Variants in GALNT13 observed in about 807,000 individuals in gnomAD.
GALNT13 encodes polypeptide N-acetylgalactosaminyltransferase 13, also known as UDP-GalNAc:polypeptide N-acetylgalactosaminyltransferase 13.
Under a neutral mutation model 64.2 loss-of-function variants are expected in GALNT13, and 28 were observed. That is an observed-to-expected ratio of 0.44 (90% CI 0.32 to 0.60). The LOEUF is 0.60. Ranked by LOEUF, GALNT13 falls within the 20% of genes least tolerant of loss-of-function variation. The probability of loss-of-function intolerance (pLI) is 0.05; values close to 1 mark genes in which losing one functional copy is unlikely to be tolerated. For missense variants in GALNT13, 577 were observed against 669.8 expected, an observed-to-expected ratio of 0.86 and a Z score of 1.53; for synonymous variants, 214 against 224.6, an observed-to-expected ratio of 0.95 and a Z score of 0.42.
At chr2:153,735,776 A>G in the GALNT13 span, among the ~76,000 whole-genome samples, 1 of 152,144 alleles carries the variant, frequency 6.6e-6, no homozygotes, top group Admixed American at 6.6e-5. Flanking sequence ...GCTTTCCAGG[A>G]TTAGATTTGG....
intron 4 of GALNT13, among the ~76,000 whole-genome samples, chr2:154,142,413 G>T (rs538841323): frequency 1.3e-5 from 2 of 151,734 alleles, no homozygotes; most frequent in Non-Finnish European, 2.9e-5. Context: ...GCCAGGCGTG[G>T]TGTTGCATGC....
the GALNT13 span, among the ~76,000 whole-genome samples, chr2:153,372,936 G>C: frequency 6.6e-6 from 1 of 152,164 alleles, no homozygotes; most frequent in East Asian, 1.9e-4. Flanking sequence ...ATCGTTCATT[G>C]ACTATTGCCT....
the GALNT13 span, among the ~76,000 whole-genome samples, chr2:153,413,108 T>A: frequency 5.3e-5 from 8 of 152,030 alleles, no homozygotes. Flanking sequence ...GTTGGAAAGA[T>A]CAGGCTGTCT....
At chr2:153,835,833 A>G in the GALNT13 span, among the ~76,000 whole-genome samples, 1,191 of 152,130 alleles carry the variant, frequency 7.8e-3, 8 homozygotes, top group Non-Finnish European at 0.014. Context: ...TTTGATGGGT[A>G]ATGAGCTCAC....
At chr2:153,461,158 T>G in the GALNT13 span, among the ~76,000 whole-genome samples, 1 of 152,140 alleles carries the variant, frequency 6.6e-6, no homozygotes, top group Admixed American at 6.6e-5. Flanking sequence ...CTTGTCTCTT[T>G]TGCTTCATGT....
intron 3 of GALNT13, among the ~76,000 whole-genome samples, chr2:154,089,087 T>C (rs1297753689): frequency 6.6e-6 from 1 of 152,048 alleles, no homozygotes; most frequent in Non-Finnish European, 1.5e-5. Context: ...TTAATCTCAC[T>C]TCCAAAATCT....
chr2:153,822,802 G>A, the GALNT13 span, among the ~76,000 whole-genome samples: 1 of 152,086 alleles, frequency 6.6e-6, no homozygotes, highest in Admixed American at 6.6e-5. Flanking sequence ...AGAAATAAAA[G>A]GCACCCAAAT....
intron 4 of GALNT13, among the ~76,000 whole-genome samples, chr2:154,189,472 CAAAA>C (rs35557058): frequency 9.5e-4 from 77 of 81,406 alleles, no homozygotes; most frequent in African/African-American, 3.6e-3. Context: ...ACGTGCACAC[CAAAA>C]AAAAAAAAAA....
At chr2:154,233,037 CAAAAAAAAAAAAA>C (rs375484057) in intron 4 of GALNT13, among the ~76,000 whole-genome samples, 1 of 59,070 alleles carries the variant, frequency 1.7e-5, no homozygotes, top group African/African-American at 5.9e-5. Flanking sequence ...GACCCTGTCT[CAAAAAAAAAAAAA>C]AAAAAAAGAA....
the GALNT13 span, among the ~76,000 whole-genome samples, chr2:153,600,923 A>C: frequency 6.6e-6 from 1 of 151,936 alleles, no homozygotes; most frequent in African/African-American, 2.4e-5. Context: ...TAATTCAATC[A>C]TTGTGGCCAG....
At chr2:154,008,254 C>CAT (rs1696392869) in intron 3 of GALNT13, among the ~76,000 whole-genome samples, 1 of 152,032 alleles carries the variant, frequency 6.6e-6, no homozygotes, top group South Asian at 2.1e-4. Context: ...ATGGTTTTGC[C>CAT]ATAGGTGGTT....
chr2:153,526,631 T>C, the GALNT13 span, among the ~76,000 whole-genome samples: 1 of 152,252 alleles, frequency 6.6e-6, no homozygotes, highest in East Asian at 1.9e-4. Flanking sequence ...TAACCCTTCA[T>C]TGCCCAGACA....
chr2:153,484,559 C>T, the GALNT13 span, among the ~76,000 whole-genome samples: 4 of 152,092 alleles, frequency 2.6e-5, no homozygotes, highest in South Asian at 6.2e-4. Flanking sequence ...AAGGTGTACC[C>T]GATTTTTACT....
chr2:153,707,198 G>C, the GALNT13 span, among the ~76,000 whole-genome samples: 3 of 152,086 alleles, frequency 2.0e-5, no homozygotes, highest in Admixed American at 2.0e-4. Flanking sequence ...CCAGTCTCGG[G>C]TATGTTTTTA....
the GALNT13 span, among the ~76,000 whole-genome samples, chr2:153,440,216 C>A: frequency 6.6e-6 from 1 of 151,986 alleles, no homozygotes; most frequent in Non-Finnish European, 1.5e-5. Context: ...TTTTCTGTTC[C>A]TGTGTTAGTT....
At chr2:154,310,272 T>C in intron 9 of GALNT13, among the ~76,000 whole-genome samples, 1 of 152,306 alleles carries the variant, frequency 6.6e-6, no homozygotes, top group East Asian at 1.9e-4. Context: ...TTTATTGTTT[T>C]TTGTTTGATT....
the GALNT13 span, among the ~76,000 whole-genome samples, chr2:153,189,187 A>C: frequency 2.6e-5 from 4 of 151,898 alleles, no homozygotes; most frequent in Admixed American, 6.6e-5. Flanking sequence ...ACTTTCTTGG[A>C]TTTTCACCCA....
At chr2:153,111,062 A>G in the GALNT13 span, among the ~76,000 whole-genome samples, 2 of 152,100 alleles carry the variant, frequency 1.3e-5, no homozygotes, top group African/African-American at 2.4e-5. Context: ...GACATAGATT[A>G]ATGTGAATCT....
At chr2:153,459,558 A>C in the GALNT13 span, among the ~76,000 whole-genome samples, 1 of 152,220 alleles carries the variant, frequency 6.6e-6, no homozygotes, top group Non-Finnish European at 1.5e-5. Flanking sequence ...GTCAATATTG[A>C]CAGAGCAAAA....
Sources: gnomAD v4.1 joint callset for allele counts (sites outside exome capture counted in the v4.1 genomes callset) on GRCh38, gnomAD v4.1.1 for gene constraint, MANE v1.5 for transcripts, NCBI Gene and HGNC (gene_info 2026-07-23, HGNC 2026-07-21) for gene names.